Variants in ZFPM2 observed in about 807,000 individuals in gnomAD.
ZFPM2 encodes the protein zinc finger protein ZFPM2.
A neutral mutation model predicts 98.6 loss-of-function variants in ZFPM2; 20 were observed. The ratio of observed to expected loss-of-function variants is 0.20; its 90% CI spans 0.14 to 0.29. ZFPM2 has a LOEUF of 0.29. Among genes scored for constraint, ZFPM2 ranks in the 10% least tolerant of loss-of-function variants. ZFPM2 has a pLI of 1.00. For synonymous variants in ZFPM2, 518 were observed against 502.7 expected (o/e 1.03, Z -0.41); for missense variants, 1,310 against 1,388.6 (o/e 0.94, Z 0.90).
intron 3 of ZFPM2, among the ~76,000 whole-genome samples, chr8:105,538,585 C>T (rs1297583354): frequency 1.3e-5 from 2 of 151,866 alleles, no homozygotes; most frequent in East Asian, 1.9e-4. Flanking sequence ...GAGACTGTCA[C>T]TGATAGAAAG....
intron 3 of ZFPM2, among the ~76,000 whole-genome samples, chr8:105,454,687 T>C (rs190810978): frequency 5.9e-5 from 9 of 152,358 alleles, no homozygotes; most frequent in Admixed American, 3.9e-4. Flanking sequence ...TTTATGTGAA[T>C]GTATTAGCTA....
chr8:105,448,560 A>T lies in ZFPM2; in HGVS notation c.301+4179A>T, dbSNP rs560127280. ...TTCCCTCCTGTGGGCTTCTTTAATT[A>T]TTCATGTACCATATTTGAGTCACTG... On this transcript the variant is annotated intron_variant, in intron 3 of 7. Coordinates refer to ENST00000407775, the MANE Select transcript of ZFPM2 (RefSeq NM_012082.4). 7.2e-5 allele frequency among the ~76,000 whole-genome samples: 11 copies of T among 152,048 alleles called. No homozygotes were observed. In the South Asian group the frequency reaches 1.7e-3, roughly 23 times the overall value.
intron 1 of ZFPM2, among the ~76,000 whole-genome samples, chr8:105,331,892 G>C (rs757883782): frequency 5.9e-5 from 9 of 151,612 alleles, no homozygotes; most frequent in Non-Finnish European, 1.3e-4. Context: ...ATAAAGTCAA[G>C]TCATATCACT....
At chr8:105,563,648 T>A (rs1815185453) in intron 4 of ZFPM2, among the ~76,000 whole-genome samples, 1 of 152,178 alleles carries the variant, frequency 6.6e-6, no homozygotes. Context: ...TTTCTCAAGC[T>A]AATGAATGTT....
intron 2 of ZFPM2, among the ~76,000 whole-genome samples, chr8:105,438,522 A>G (rs1480768007): frequency 6.6e-6 from 1 of 152,182 alleles, no homozygotes; most frequent in Non-Finnish European, 1.5e-5. Context: ...ATTCTTCCAG[A>G]CACACTCCTT....
chr8:105,517,900 A>T (rs1384056938), intron 3 of ZFPM2, among the ~76,000 whole-genome samples: 1 of 152,104 alleles, frequency 6.6e-6, no homozygotes, highest in Non-Finnish European at 1.5e-5. Flanking sequence ...TGACAGAGGG[A>T]GACTCTGTCT....
At chr8:105,426,976 C>G (rs1721554769) in intron 2 of ZFPM2, among the ~76,000 whole-genome samples, 1 of 151,870 alleles carries the variant, frequency 6.6e-6, no homozygotes, top group Admixed American at 6.6e-5. Flanking sequence ...AAATAGTGTC[C>G]TATAAGTGCT....
intron 1 of ZFPM2, among the ~76,000 whole-genome samples, chr8:105,344,545 T>C (rs551342589): frequency 6.6e-6 from 1 of 152,246 alleles, no homozygotes; most frequent in African/African-American, 2.4e-5. Flanking sequence ...TCGATATTTA[T>C]TTTTATACAC....
intron 1 of ZFPM2, among the ~76,000 whole-genome samples, chr8:105,339,508 A>G (rs754675687): frequency 2.6e-5 from 4 of 151,916 alleles, no homozygotes; most frequent in Non-Finnish European, 5.9e-5. Flanking sequence ...CAATATGCAA[A>G]CTATCTTCAA....
chr8:105,689,179 G>C (rs569485499), intron 5 of ZFPM2, among the ~76,000 whole-genome samples: 133 of 152,056 alleles, frequency 8.7e-4, no homozygotes, highest in African/African-American at 3.0e-3. Flanking sequence ...GAAGCCTTCT[G>C]TAACCACCTC....
chr8:105,613,341 A>G (rs1215219431), intron 4 of ZFPM2, among the ~76,000 whole-genome samples: 1 of 152,112 alleles, frequency 6.6e-6, no homozygotes, highest in East Asian at 1.9e-4. Flanking sequence ...AGAACACTGG[A>G]GAAGATCATT....
chr8:105,717,939 T>C (rs767732887), intron 5 of ZFPM2, among the ~76,000 whole-genome samples: 15 of 151,866 alleles, frequency 9.9e-5, no homozygotes, highest in Non-Finnish European at 1.9e-4. Context: ...GGCTGAAACT[T>C]GAACCCAAGT....
intron 6 of ZFPM2, among the ~76,000 whole-genome samples, chr8:105,794,077 C>T (rs185868063): frequency 1.2e-4 from 18 of 152,320 alleles, no homozygotes; most frequent in South Asian, 2.1e-4. Context: ...CTCAACTCGT[C>T]GAAGTCCTTC....
In ZFPM2 at chr8:105,645,324, T is replaced by C. The variant is rs528369346; in HGVS notation, c.532+10967T>C. ...TATTTTCTCTGTTGTTCTCTGACTATTGTTCTCTGACTATTCTTTTGTTTA... is the reference window on the plus strand; with the variant it reads ...TATTTTCTCTGTTGTTCTCTGACTACTGTTCTCTGACTATTCTTTTGTTTA... On this transcript the variant is annotated intron_variant, in intron 5 of 7. Transcript: ENST00000407775. Among the ~76,000 whole-genome samples, 7 of 152,374 alleles carry C rather than the reference T, an allele frequency of 4.6e-5. No individual in the cohort carries two copies. The East Asian group carries it at 5.8e-4, about 13-fold the overall frequency.
chr8:105,664,173 T>G (rs751898177), intron 5 of ZFPM2, among the ~76,000 whole-genome samples: 2 of 152,224 alleles, frequency 1.3e-5, no homozygotes, highest in Non-Finnish European at 2.9e-5. Context: ...CTCCATTGCA[T>G]TACAATTCAT....
intron 6 of ZFPM2, among the ~76,000 whole-genome samples, chr8:105,789,486 G>T (rs2131138411): frequency 6.6e-6 from 1 of 152,190 alleles, no homozygotes; most frequent in African/African-American, 2.4e-5. Flanking sequence ...GTCTATCATT[G>T]TTGGACATTT....
intron 4 of ZFPM2, among the ~76,000 whole-genome samples, chr8:105,584,199 AAATAACATAATTGTAGT>A (rs1198819758): frequency 2.0e-5 from 3 of 152,280 alleles, no homozygotes; most frequent in South Asian, 2.1e-4. Flanking sequence ...CTCTGCAAAA[AAATAACATAATTGTAGT>A]AATTAAATGT....
At chr8:105,646,742 AT>A (rs1817055882) in intron 5 of ZFPM2, among the ~76,000 whole-genome samples, 1 of 152,014 alleles carries the variant, frequency 6.6e-6, no homozygotes, top group Non-Finnish European at 1.5e-5. Context: ...GTCCCCCGAG[AT>A]TTATGAACCT....
rs1402769359 is a variant in ZFPM2 at position 105,802,619 on chromosome 8, C to T, written c.2537C>T (p.Ser846Phe). 1.2e-6 allele frequency: 2 copies of T among 1,610,678 alleles called. No homozygotes were observed. The highest frequency in any genetic ancestry group is 3.4e-5 in the Admixed American group (2 of 59,464). ...TCTCAGTCTGAGCGGACGACCACGT[C>T]TCCCAAAAGGCTGCTGGACTATCAC... ...CLSQSERTTT[S>F]PKRLLDYHEC... The change falls in exon 8 of 8, where the codon TCT becomes TTT. Residue 846 changes from serine (S) to phenylalanine (F), a missense_variant. Ser to Phe is a radical substitution (Grantham distance 155, BLOSUM62 -2). Transcript: ENST00000407775.
Sources: allele counts gnomAD v4.1 joint callset (sites outside exome capture counted in the v4.1 genomes callset), GRCh38; gene constraint gnomAD v4.1.1; transcripts MANE v1.5; gene names NCBI Gene and HGNC (gene_info 2026-07-23, HGNC 2026-07-21).